The following DNAH11 variants were observed in gnomAD, a reference collection of about 807,000 sequenced individuals.
DNAH11 encodes dynein axonemal heavy chain 11, also known as axonemal beta dynein heavy chain 11.
A neutral mutation model predicts 526.0 loss-of-function variants in DNAH11; 442 were observed. The observed-to-expected ratio is 0.84, with a 90% CI of 0.78 to 0.91. The LOEUF is 0.91. Ranked by LOEUF, DNAH11 falls within the 40% of genes least tolerant of loss-of-function variation. The pLI is 0.00. For synonymous variants in DNAH11, 2,461 were observed against 1,935.9 expected (o/e 1.27, Z -7.12); for missense variants, 6,989 against 5,448.7 (o/e 1.28, Z -8.90).
At chr7:21,693,924 C>G (rs144704835) in intron 35 of DNAH11, among the ~76,000 whole-genome samples, 1 of 152,302 alleles carries the variant, frequency 6.6e-6, no homozygotes, top group African/African-American at 2.4e-5. Context: ...GCAAGCATGT[C>G]TTACAAGGTG....
At position 21,601,101 on chromosome 7, in the gene DNAH11, T is replaced by C; in HGVS notation, c.3347T>C (p.Phe1116Ser). The C allele has an allele frequency of 6.2e-7, 1 of 1,610,050 alleles. No individual in the cohort carries two copies. ...DSWFKVDMKP[F>S]KVSLLTIIKK... ...TGGTTCAAGGTGGACATGAAGCCTT[T>C]CAAAGTGAGCTTGTTAACCATAATT... The change falls in exon 17 of 82, where the codon TTC (phenylalanine) becomes TCC (serine). Residue 1116 changes from phenylalanine (F) to serine (S), a missense_variant. Physicochemically the swap from Phe to Ser is radical, Grantham distance 155 (BLOSUM62 -2). Transcript: ENST00000409508.
At chr7:21,623,932 T>A (rs1164122482) in intron 25 of DNAH11, among the ~76,000 whole-genome samples, 1 of 151,510 alleles carries the variant, frequency 6.6e-6, no homozygotes, top group Admixed American at 6.6e-5. Flanking sequence ...AACCTGCACA[T>A]TGTGCACATG....
intron 76 of DNAH11, among the ~76,000 whole-genome samples, chr7:21,885,438 G>T (rs1784093076): frequency 6.6e-6 from 1 of 151,942 alleles, no homozygotes; most frequent in African/African-American, 2.4e-5. Flanking sequence ...GAATAGAACA[G>T]TGGTTACCAG....
chr7:21,731,950 G>A (rs968806261), intron 45 of DNAH11, among the ~76,000 whole-genome samples: 3 of 152,090 alleles, frequency 2.0e-5, no homozygotes, highest in African/African-American at 7.2e-5. Flanking sequence ...ATCTCTTAGT[G>A]TACCTAATTT....
chr7:21,569,192 A>G (rs946363908), intron 6 of DNAH11, among the ~76,000 whole-genome samples: 2 of 152,186 alleles, frequency 1.3e-5, no homozygotes, highest in Non-Finnish European at 2.9e-5. Context: ...TCCCTCTGCT[A>G]TTTTGAACTC....
intron 21 of DNAH11, 85 bp downstream of exon 21, chr7:21,615,357 G>A: frequency 6.8e-7 from 1 of 1,462,288 alleles, no homozygotes. Flanking sequence ...ATTCTATTTG[G>A]GTTTTATAAT....
intron 61 of DNAH11, among the ~76,000 whole-genome samples, chr7:21,795,173 T>C (rs1788656648): frequency 6.6e-6 from 1 of 152,232 alleles, no homozygotes; most frequent in African/African-American, 2.4e-5. Context: ...AGGTTAATTT[T>C]TTTTACATTT....
At chr7:21,601,316 G>A (rs1052200207) in intron 17 of DNAH11, 80 bp from the exon 18 acceptor site, 16 of 1,462,870 alleles carry the variant, frequency 1.1e-5, no homozygotes, top group Non-Finnish European at 1.5e-5. Context: ...ATGAAAATAA[G>A]ATTCAATCAG....
At position 21,859,774 on chromosome 7, in the gene DNAH11, G is replaced by A. The variant is rs553067292; in HGVS notation, c.11203-2079G>A. Reference sequence around the variant, plus strand: ...AGAGAGATATAGCAATTCATACAACGCCATTATCACCAAGGCATGAATGAG... The same window carrying A: ...AGAGAGATATAGCAATTCATACAACACCATTATCACCAAGGCATGAATGAG... On this transcript the variant is annotated intron_variant, in intron 68 of 81. Coordinates refer to ENST00000409508, the MANE Select transcript of DNAH11 (RefSeq NM_001277115.2). Among the ~76,000 whole-genome samples, 6 of 151,962 alleles carry A rather than the reference G, an allele frequency of 3.9e-5. No individual in the cohort carries two copies. The South Asian group carries it at 8.4e-4, about 21-fold the overall frequency.
At chr7:21,604,693 A>C (rs1339744342) in intron 18 of DNAH11, among the ~76,000 whole-genome samples, 1 of 152,154 alleles carries the variant, frequency 6.6e-6, no homozygotes, top group African/African-American at 2.4e-5. Flanking sequence ...TATTTTTACC[A>C]AGTAAAAACT....
intron 40 of DNAH11, 105 bp downstream of exon 40, chr7:21,707,940 G>C: frequency 1.6e-6 from 2 of 1,233,994 alleles, no homozygotes; most frequent in South Asian, 3.9e-5. Flanking sequence ...CTGTTTATGT[G>C]TTGGCATTAT....
At chr7:21,762,341 C>T (rs969246483) in intron 54 of DNAH11, among the ~76,000 whole-genome samples, 1 of 152,144 alleles carries the variant, frequency 6.6e-6, no homozygotes, top group Non-Finnish European at 1.5e-5. Flanking sequence ...ATGCCAGTTA[C>T]AAGTGTGGAA....
intron 56 of DNAH11, among the ~76,000 whole-genome samples, chr7:21,778,340 A>G (rs899826766): frequency 4.6e-5 from 7 of 152,144 alleles, no homozygotes; most frequent in African/African-American, 1.4e-4. Flanking sequence ...TAATACCCCA[A>G]ACACACAGTT....
intron 29 of DNAH11, among the ~76,000 whole-genome samples, chr7:21,658,351 T>A (rs1782106490): frequency 6.6e-6 from 1 of 152,110 alleles, no homozygotes; most frequent in Non-Finnish European, 1.5e-5. Flanking sequence ...GATTTAAAAA[T>A]TAATAGAAAA....
intron 74 of DNAH11, among the ~76,000 whole-genome samples, chr7:21,876,373 G>A (rs1433046088): frequency 1.3e-5 from 2 of 152,202 alleles, no homozygotes; most frequent in Non-Finnish European, 2.9e-5. Flanking sequence ...AGTCTTTTAT[G>A]AATGCTGACC....
At chr7:21,738,616 A>C (rs1469964839) in intron 46 of DNAH11, 85 bp from the exon 47 acceptor site, 1 of 1,371,894 alleles carries the variant, frequency 7.3e-7, no homozygotes, top group Admixed American at 2.6e-5. Flanking sequence ...TGAAATCGAC[A>C]GAAGAAGTTA....
intron 45 of DNAH11, among the ~76,000 whole-genome samples, chr7:21,726,921 C>T (rs1240387437): frequency 2.0e-5 from 2 of 98,138 alleles, no homozygotes; most frequent in Non-Finnish European, 4.0e-5. Context: ...TGTTATATTT[C>T]TGCATCCTCT....
intron 14 of DNAH11, among the ~76,000 whole-genome samples, chr7:21,595,203 T>C (rs1784820298): frequency 6.6e-6 from 1 of 152,208 alleles, no homozygotes; most frequent in Admixed American, 6.5e-5. Flanking sequence ...CATTGTGTCC[T>C]CACATGGAGG....
intron 30 of DNAH11, among the ~76,000 whole-genome samples, chr7:21,666,739 G>A (rs997666174): frequency 1.7e-4 from 26 of 150,518 alleles, no homozygotes; most frequent in African/African-American, 4.9e-4. Flanking sequence ...GCTACCAAGT[G>A]TATATTGGAC....
Sources: allele counts gnomAD v4.1 joint callset (sites outside exome capture counted in the v4.1 genomes callset), GRCh38; gene constraint gnomAD v4.1.1; transcripts MANE v1.5; gene names NCBI Gene and HGNC (gene_info 2026-07-23, HGNC 2026-07-21).